The following ANK2 variants were observed in gnomAD, a reference collection of about 807,000 sequenced individuals.
The protein encoded by ANK2 is ankyrin-2.
Under a neutral mutation model 360.5 loss-of-function variants are expected in ANK2, and 83 were observed. That is an observed-to-expected ratio of 0.23 (90% CI 0.19 to 0.28). The LOEUF (loss-of-function observed/expected upper bound fraction) is 0.28. Ranked by LOEUF, ANK2 falls within the 10% of genes least tolerant of loss-of-function variation. The pLI is 1.00. For missense variants in ANK2, 4,201 were observed against 4,795.7 expected (o/e 0.88, Z 3.66); for synonymous variants, 1,740 against 1,759.5 (o/e 0.99, Z 0.28).
chr4:112,877,805 T>C (rs771274052), intron 1 of ANK2, among the ~76,000 whole-genome samples: 24 of 152,304 alleles, frequency 1.6e-4, no homozygotes, highest in Non-Finnish European at 3.1e-4. Context: ...TTTACCTCCA[T>C]CTTAATGCTG....
At chr4:113,242,007 A>T in intron 8 of ANK2, 104 bp from the exon 9 acceptor site, 2 of 884,578 alleles carry the variant, frequency 2.3e-6, no homozygotes, top group South Asian at 2.8e-5. Context: ...TGTGGATCAA[A>T]TTACCACGTA....
the ANK2 span, among the ~76,000 whole-genome samples, chr4:112,784,842 G>A: frequency 1.3e-5 from 2 of 152,120 alleles, no homozygotes. Context: ...TTTTCCAAGT[G>A]GTGCACACTA....
At chr4:113,293,122 C>T (rs958770023) in intron 21 of ANK2, 1 of 426,874 alleles carries the variant, frequency 2.3e-6, no homozygotes, top group Non-Finnish European at 4.5e-6. Flanking sequence ...GTTTTGGAGA[C>T]GTCATGAGGC....
intron 4 of ANK2, among the ~76,000 whole-genome samples, chr4:113,218,488 G>A: frequency 6.6e-6 from 1 of 150,508 alleles, no homozygotes; most frequent in Non-Finnish European, 1.5e-5. Flanking sequence ...GATGAAGAAA[G>A]CAATAACTTC....
At chr4:113,175,136 A>T (rs2098142582) in intron 2 of ANK2, among the ~76,000 whole-genome samples, 1 of 152,178 alleles carries the variant, frequency 6.6e-6, no homozygotes, top group African/African-American at 2.4e-5. Flanking sequence ...GGACTGCAGT[A>T]TTCACTTCAA....
At chr4:112,712,658 T>C in the ANK2 span, among the ~76,000 whole-genome samples, 42 of 151,814 alleles carry the variant, frequency 2.8e-4, no homozygotes, top group Non-Finnish European at 4.6e-4. Context: ...CCGCCCACCT[T>C]GGCCTCCCAA....
intron 1 of ANK2, among the ~76,000 whole-genome samples, chr4:112,857,469 A>G (rs769958697): frequency 3.3e-5 from 5 of 152,182 alleles, no homozygotes; most frequent in Non-Finnish European, 5.9e-5. Flanking sequence ...TGAAGATTTC[A>G]CAGGCATATT....
intron 45 of ANK2, among the ~76,000 whole-genome samples, chr4:113,380,335 G>A (rs948027087): frequency 2.0e-5 from 3 of 152,014 alleles, no homozygotes; most frequent in Admixed American, 6.6e-5. Context: ...GAAAATATTA[G>A]TATGACTTAA....
At chr4:112,972,012 A>G (rs2039719716) in intron 2 of ANK2, among the ~76,000 whole-genome samples, 1 of 152,152 alleles carries the variant, frequency 6.6e-6, no homozygotes, top group Non-Finnish European at 1.5e-5. Flanking sequence ...TCACTCAAGG[A>G]TTGGTGGGCC....
At chr4:112,968,123 T>C (rs2038048628) in intron 2 of ANK2, among the ~76,000 whole-genome samples, 1 of 152,224 alleles carries the variant, frequency 6.6e-6, no homozygotes, top group Non-Finnish European at 1.5e-5. Context: ...TTTCAATTGC[T>C]TATTCATTTG....
intron 2 of ANK2, among the ~76,000 whole-genome samples, chr4:113,179,225 G>A (rs1424288379): frequency 6.6e-6 from 1 of 152,160 alleles, no homozygotes; most frequent in Non-Finnish European, 1.5e-5. Context: ...GTATCCTCTA[G>A]TTTGCTGCTA....
At chr4:112,834,878 G>A (rs2060665572) in intron 1 of ANK2, among the ~76,000 whole-genome samples, 1 of 152,160 alleles carries the variant, frequency 6.6e-6, no homozygotes, top group Non-Finnish European at 1.5e-5. Flanking sequence ...CATCTATTCT[G>A]TAGAAGGCCC....
At chr4:113,056,551 C>G (rs1334677533) in intron 1 of ANK2, among the ~76,000 whole-genome samples, 2 of 152,122 alleles carry the variant, frequency 1.3e-5, no homozygotes, top group African/African-American at 4.8e-5. Flanking sequence ...TCATTGGACA[C>G]TGGTCGGATA....
the ANK2 span, among the ~76,000 whole-genome samples, chr4:112,801,366 T>C: frequency 1.3e-5 from 2 of 152,362 alleles, no homozygotes; most frequent in South Asian, 4.1e-4. Flanking sequence ...TTACTCTTTG[T>C]ACTTACTTAA....
chr4:112,850,189 G>A (rs2064331997), intron 1 of ANK2, among the ~76,000 whole-genome samples: 1 of 151,740 alleles, frequency 6.6e-6, no homozygotes, highest in African/African-American at 2.4e-5. Context: ...TTTGCAGATG[G>A]CATAATGGTG....
chr4:113,254,120 C>A lies in ANK2; in HGVS notation c.991-1615C>A, dbSNP rs550610848. Reference sequence around the variant, plus strand: ...TCAAAACTCATCTTCTCAGTGAGGCCATTTCTGGACATCCTATCAAAATTG... The same window carrying A: ...TCAAAACTCATCTTCTCAGTGAGGCAATTTCTGGACATCCTATCAAAATTG... On this transcript the variant is annotated intron_variant, in intron 10 of 45. Transcript: ENST00000357077. 1.6e-4 allele frequency among the ~76,000 whole-genome samples: 24 copies of A among 152,310 alleles called. No individual in the cohort carries two copies. In the East Asian group the frequency reaches 4.4e-3, roughly 28 times the overall value.
rs919212543 is a variant in ANK2, at chr4:113,359,226, G to T, written c.10608G>T (p.Arg3536Ser). 1.2e-6 allele frequency: 2 copies of T among 1,613,604 alleles called. No homozygotes were observed. Among genetic ancestry groups the T allele is most frequent in the African/African-American group, 2.7e-5 (2 of 74,890 alleles). The change falls in exon 38 of 46, where the codon AGG becomes AGT. Residue 3536 changes from arginine (R) to serine (S), a missense_variant. This residue lies in a region of ANK2 where 2,642 missense variants were observed against 2,714.5 expected (regional missense o/e 0.97). Transcript: ENST00000357077. ...HSVPEDIFDT[R>S]PIWDESIETL... is the part of the protein sequence containing the mutation. ...TTCCTGAGGACATCTTTGACACAAG[G>T]CCCATTTGGGATGAGTCTATTGAGA...
At chr4:112,739,419 G>T in the ANK2 span, among the ~76,000 whole-genome samples, 1 of 152,114 alleles carries the variant, frequency 6.6e-6, no homozygotes, top group Non-Finnish European at 1.5e-5. Context: ...GTCAAGACCA[G>T]CCTGGCCAAC....
At chr4:112,893,042 G>A (rs1407596536) in intron 1 of ANK2, among the ~76,000 whole-genome samples, 1 of 152,002 alleles carries the variant, frequency 6.6e-6, no homozygotes. Context: ...TTGCTTTTAT[G>A]TTCTCTTAAG....
Sources: gnomAD v4.1 joint callset for allele counts (sites outside exome capture counted in the v4.1 genomes callset) on GRCh38, gnomAD v4.1.1 for gene constraint, gnomAD v4.1.1 regional missense constraint, MANE v1.5 for transcripts, NCBI Gene and HGNC (gene_info 2026-07-23, HGNC 2026-07-21) for gene names.